The following PLCB1 variants were observed in gnomAD, a reference collection of about 807,000 sequenced individuals.
PLCB1 encodes 1-phosphatidylinositol 4,5-bisphosphate phosphodiesterase beta-1.
PLCB1 carries 46 observed loss-of-function variants against 161.8 expected under a neutral mutation model. The observed-to-expected ratio is 0.28, with a 90% CI of 0.22 to 0.36. The LOEUF is 0.36. Among genes scored for constraint, PLCB1 ranks in the 10% least tolerant of loss-of-function variants. The pLI, the probability that PLCB1 is intolerant of heterozygous loss-of-function variation, is 1.00. For synonymous variants in PLCB1, 517 were observed against 503.7 expected, an observed-to-expected ratio of 1.03 and a Z score of -0.35; for missense variants, 1,016 against 1,472.5, an observed-to-expected ratio of 0.69 and a Z score of 5.07.
chr20:8,553,173 A>G (rs1985829908), intron 3 of PLCB1, among the ~76,000 whole-genome samples: 1 of 152,170 alleles, frequency 6.6e-6, no homozygotes, highest in African/African-American at 2.4e-5. Flanking sequence ...CATGTGTTTT[A>G]TAGTTTCTCA....
At chr20:8,369,632 C>T (rs1161674720) in intron 2 of PLCB1, among the ~76,000 whole-genome samples, 1 of 152,176 alleles carries the variant, frequency 6.6e-6, no homozygotes, top group Non-Finnish European at 1.5e-5. Flanking sequence ...ACCAGTCACT[C>T]TGTATTGCAA....
At chr20:8,771,636 C>T (rs1017408385) in intron 26 of PLCB1, among the ~76,000 whole-genome samples, 2 of 151,930 alleles carry the variant, frequency 1.3e-5, no homozygotes, top group African/African-American at 4.8e-5. Flanking sequence ...GATGCAGAGA[C>T]GTTGTTCACT....
At chr20:8,174,616 A>G (rs897629791) in intron 2 of PLCB1, among the ~76,000 whole-genome samples, 10 of 152,234 alleles carry the variant, frequency 6.6e-5, no homozygotes, top group Admixed American at 3.9e-4. Context: ...TTGAAACATT[A>G]TGTTAGCATC....
At chr20:8,636,916 A>G (rs775398567) in intron 4 of PLCB1, among the ~76,000 whole-genome samples, 51 of 152,110 alleles carry the variant, frequency 3.4e-4, no homozygotes, top group Non-Finnish European at 6.8e-4. Context: ...TCCATTGCAG[A>G]GACAAGCTAC....
chr20:8,765,335 C>T lies in PLCB1; in HGVS notation c.2907C>T (p.Ser969=), dbSNP rs368328261. 8.4e-5 allele frequency: 136 copies of T among 1,609,622 alleles called. No homozygotes were observed. In the African/African-American group the frequency reaches 8.8e-4, roughly 10 times the overall value. ...GAAGGAGAGCCGCTTTGGAAAAGTC[C>T]GCCAAAAAGGACAGTAAGAAAAAGT... ...YLRRRAALEK[S]AKKDSKKKSE... is the part of the protein sequence containing the mutation. Residue 969 remains serine, a synonymous_variant, in exon 26 of 32, where the codon TCC becomes TCT. Coordinates refer to ENST00000338037, the MANE Select transcript of PLCB1 (RefSeq NM_015192.4).
At chr20:8,484,365 CTTT>C (rs777998571) in intron 3 of PLCB1, among the ~76,000 whole-genome samples, 1 of 141,680 alleles carries the variant, frequency 7.1e-6, no homozygotes, top group Admixed American at 7.1e-5. Flanking sequence ...TCTTCTTCTT[CTTT>C]TTTTTTTTTT....
chr20:8,247,641 AACACAC>A (rs113727213), intron 2 of PLCB1, among the ~76,000 whole-genome samples: 31 of 147,344 alleles, frequency 2.1e-4, no homozygotes, highest in African/African-American at 6.7e-4. Flanking sequence ...CATACACGCA[AACACAC>A]ACACACACAC....
chr20:8,198,610 G>A (rs768285579), intron 2 of PLCB1, among the ~76,000 whole-genome samples: 8 of 151,900 alleles, frequency 5.3e-5, no homozygotes, highest in African/African-American at 7.3e-5. Context: ...GTAAACTCCA[G>A]CCATCAAGGG....
intron 2 of PLCB1, among the ~76,000 whole-genome samples, chr20:8,278,828 G>C (rs1342595747): frequency 6.6e-6 from 1 of 151,972 alleles, no homozygotes; most frequent in Non-Finnish European, 1.5e-5. Context: ...CCAATTCCAG[G>C]TATGCACTGT....
At chr20:8,537,909 G>C (rs1985117103) in intron 3 of PLCB1, among the ~76,000 whole-genome samples, 1 of 152,142 alleles carries the variant, frequency 6.6e-6, no homozygotes. Context: ...CTGAAGAAAA[G>C]TGTCCCGAGC....
chr20:8,865,887 C>A (rs539070192), intron 31 of PLCB1, among the ~76,000 whole-genome samples: 1 of 152,084 alleles, frequency 6.6e-6, no homozygotes, highest in Non-Finnish European at 1.5e-5. Context: ...TTGAGGATAC[C>A]GACTTATTTT....
chr20:8,740,297 C>A, intron 21 of PLCB1, 47 bp from the exon 22 acceptor site: 2 of 1,005,780 alleles, frequency 2.0e-6, no homozygotes, highest in Non-Finnish European at 3.1e-6. Flanking sequence ...TTATAACTAA[C>A]ATTGGAAAGG....
chr20:8,502,627 A>G (rs1038652246), intron 3 of PLCB1, among the ~76,000 whole-genome samples: 1 of 152,050 alleles, frequency 6.6e-6, no homozygotes, highest in African/African-American at 2.4e-5. Context: ...CGGTTTGCTG[A>G]TTGGTAAATT....
At chr20:8,700,388 C>T (rs1442491842) in intron 11 of PLCB1, among the ~76,000 whole-genome samples, 1 of 152,250 alleles carries the variant, frequency 6.6e-6, no homozygotes, top group Non-Finnish European at 1.5e-5. Flanking sequence ...TTATGTGGAG[C>T]ATTTGCTTCT....
chr20:8,872,757 T>G (rs1218231281), intron 31 of PLCB1, among the ~76,000 whole-genome samples: 1 of 152,152 alleles, frequency 6.6e-6, no homozygotes, highest in Non-Finnish European at 1.5e-5. Flanking sequence ...CTTCCTTGCC[T>G]CATCTCCAAG....
rs189939992 is a variant in PLCB1, at chr20:8,478,226, C to T, written c.246+106776C>T. On this transcript the variant is annotated intron_variant, in intron 3 of 31. Transcript: ENST00000338037. Reference sequence around the variant, plus strand: ...TCATGCTAAGGATTATGGTGACAACCGCAAAAGGTTAGTTTCATGGCACTT... The same window carrying T: ...TCATGCTAAGGATTATGGTGACAACTGCAAAAGGTTAGTTTCATGGCACTT... Among the ~76,000 whole-genome samples the T allele has an allele frequency of 1.1e-3, 169 of 152,192 alleles. 1 individual carries two copies. The highest frequency in any genetic ancestry group is 3.4e-4 in the Non-Finnish European group (23 of 68,016).
intron 2 of PLCB1, among the ~76,000 whole-genome samples, chr20:8,223,452 C>T (rs768487): frequency 0.012 from 1,846 of 152,002 alleles, 43 homozygotes; most frequent in African/African-American, 0.042. Flanking sequence ...AGTTTTTTTT[C>T]TCTCTCTCAA....
At chr20:8,441,860 G>A (rs1033385620) in intron 3 of PLCB1, among the ~76,000 whole-genome samples, 1 of 152,238 alleles carries the variant, frequency 6.6e-6, no homozygotes, top group Middle Eastern at 3.4e-3. Flanking sequence ...TAGCTAAGCA[G>A]CAATAAAGCA....
intron 2 of PLCB1, among the ~76,000 whole-genome samples, chr20:8,285,357 C>A (rs1486218145): frequency 1.3e-5 from 2 of 151,508 alleles, no homozygotes; most frequent in Non-Finnish European, 2.9e-5. Flanking sequence ...TATTCCTTTT[C>A]ATATTTATTC....
Sources: allele counts gnomAD v4.1 joint callset (sites outside exome capture counted in the v4.1 genomes callset), GRCh38; gene constraint gnomAD v4.1.1; transcripts MANE v1.5; gene names NCBI Gene and HGNC (gene_info 2026-07-23, HGNC 2026-07-21).